AFF3: variants seen among roughly 807,000 people sequenced by gnomAD.
AFF3 encodes ALF transcription elongation factor 3, also known as AF4/FMR2 family member 3.
In AFF3, 32 loss-of-function variants were observed where a neutral mutation model predicts 129.7. The ratio of observed to expected loss-of-function variants is 0.25; its 90% CI spans 0.19 to 0.33. The LOEUF (loss-of-function observed/expected upper bound fraction) is 0.33, where lower values mean the gene tolerates loss of function less well. AFF3 is among the 10% of genes least tolerant of loss of function. The probability of loss-of-function intolerance (pLI) is 1.00; values close to 1 mark genes in which losing one functional copy is unlikely to be tolerated. For missense variants in AFF3, 1,373 were observed against 1,592.0 expected (o/e 0.86, Z 2.34); for synonymous variants, 644 against 635.4 (o/e 1.01, Z -0.20).
intron 4 of AFF3, among the ~76,000 whole-genome samples, chr2:100,060,169 T>C (rs1687149456): frequency 1.3e-5 from 2 of 152,202 alleles, no homozygotes; most frequent in South Asian, 2.1e-4. Flanking sequence ...CTCTGTGTTA[T>C]CCACAAACTT....
At chr2:99,625,293 T>G (rs780059356) in intron 13 of AFF3, among the ~76,000 whole-genome samples, 1 of 152,140 alleles carries the variant, frequency 6.6e-6, no homozygotes, top group Non-Finnish European at 1.5e-5. Flanking sequence ...CCCCGTGAAA[T>G]TTGAATTTCA....
intron 7 of AFF3, among the ~76,000 whole-genome samples, chr2:99,909,135 C>T (rs1441559238): frequency 6.6e-6 from 1 of 152,046 alleles, no homozygotes; most frequent in South Asian, 2.1e-4. Flanking sequence ...GGCACATATA[C>T]ACCATGAAAT....
chr2:99,590,739 T>C (rs1678584461), intron 15 of AFF3, among the ~76,000 whole-genome samples: 1 of 152,134 alleles, frequency 6.6e-6, no homozygotes, highest in African/African-American at 2.4e-5. Flanking sequence ...ATGCCTGTAA[T>C]CCCAGCACTT....
intron 1 of AFF3, among the ~76,000 whole-genome samples, chr2:100,134,527 T>C (rs895414297): frequency 3.9e-5 from 6 of 152,220 alleles, no homozygotes; most frequent in Non-Finnish European, 7.3e-5. Flanking sequence ...TTTATTTTCA[T>C]TTATACTTTA....
intron 12 of AFF3, among the ~76,000 whole-genome samples, chr2:99,651,045 T>C (rs1197409016): frequency 6.6e-6 from 1 of 151,634 alleles, no homozygotes; most frequent in Non-Finnish European, 1.5e-5. Flanking sequence ...TGGTGGCACA[T>C]GTCTGTAATT....
chr2:100,141,005 A>G (rs992651070), intron 1 of AFF3, among the ~76,000 whole-genome samples: 10 of 152,194 alleles, frequency 6.6e-5, no homozygotes, highest in African/African-American at 2.2e-4. Context: ...GATGATGACA[A>G]TGATAACAGC....
intron 13 of AFF3, among the ~76,000 whole-genome samples, chr2:99,643,145 C>A (rs1322744902): frequency 6.7e-6 from 1 of 149,168 alleles, no homozygotes; most frequent in African/African-American, 2.5e-5. Context: ...CTGCAACCCC[C>A]GCCTCCTGGG....
At chr2:99,946,577 T>G (rs1675597072) in intron 7 of AFF3, among the ~76,000 whole-genome samples, 1 of 149,766 alleles carries the variant, frequency 6.7e-6, no homozygotes, top group South Asian at 2.1e-4. Context: ...GTCTGCAGAA[T>G]TTCCCCATAC....
At chr2:99,671,937 C>T (rs2104451848) in intron 12 of AFF3, among the ~76,000 whole-genome samples, 1 of 152,220 alleles carries the variant, frequency 6.6e-6, no homozygotes, top group African/African-American at 2.4e-5. Flanking sequence ...TAACTGATGT[C>T]TCGAGCTGAT....
intron 7 of AFF3, among the ~76,000 whole-genome samples, chr2:99,991,827 T>TGGGAGGTGGAGGTTGCA (rs1680367623): frequency 1.3e-5 from 2 of 151,486 alleles, no homozygotes; most frequent in South Asian, 2.1e-4. Context: ...TGCTTGAACC[T>TGGGAGGTGGAGGTTGCA]GGGAGGTGGA....
chr2:100,142,186 T>C (rs915293053), intron 1 of AFF3, among the ~76,000 whole-genome samples: 1 of 151,984 alleles, frequency 6.6e-6, no homozygotes, highest in African/African-American at 2.4e-5. Context: ...ACTCAGGTTA[T>C]GTCTTCTTTA....
At chr2:100,009,689 T>A (rs184389059) in intron 4 of AFF3, among the ~76,000 whole-genome samples, 1 of 152,194 alleles carries the variant, frequency 6.6e-6, no homozygotes, top group East Asian at 1.9e-4. Context: ...ACCAGACAAC[T>A]GGAAGAAATG....
In AFF3 at chr2:99,601,499, G is replaced by C; in HGVS notation, c.1307C>G (p.Ser436Trp). The stretch of plus-strand genomic sequence containing the variant: ...CTCGCTGGAGCTGCTCTCGGTCTCC[G>C]AGTCAGATCCGGAGCTGCTCTCTGA... ...SDSESSSGSD[S>W]ETESSSSESE... is the part of the protein sequence containing the mutation. Residue 436 changes from serine (S) to tryptophan (W), a missense_variant, in exon 14 of 25, where the codon TCG (serine) becomes TGG (tryptophan). Ser to Trp is a radical substitution (Grantham distance 177). Transcript: ENST00000672756. 1.2e-6 allele frequency: 2 copies of C among 1,608,444 alleles called. No individual in the cohort carries two copies. The highest frequency in any genetic ancestry group is 1.7e-6 in the Non-Finnish European group (2 of 1,177,946).
chr2:99,570,137 C>T (rs1676343954), intron 18 of AFF3, among the ~76,000 whole-genome samples: 1 of 152,164 alleles, frequency 6.6e-6, no homozygotes, highest in Admixed American at 6.5e-5. Context: ...AGGGTGAGGC[C>T]TGAGGTCTCC....
At chr2:100,140,508 C>T (rs935303243) in intron 1 of AFF3, among the ~76,000 whole-genome samples, 2 of 152,172 alleles carry the variant, frequency 1.3e-5, no homozygotes, top group East Asian at 3.8e-4. Context: ...CCCAACGCTG[C>T]TATTTCCCTG....
intron 2 of AFF3, chr2:100,107,633 C>T: frequency 4.2e-6 from 2 of 473,278 alleles, no homozygotes; most frequent in Non-Finnish European, 5.5e-6. Context: ...AAGGGGAGGG[C>T]TGCTGGGGGA....
intron 7 of AFF3, among the ~76,000 whole-genome samples, chr2:99,847,242 C>CT (rs2105848125): frequency 6.6e-6 from 1 of 152,010 alleles, no homozygotes; most frequent in South Asian, 2.1e-4. Flanking sequence ...ATGGCGCTAT[C>CT]TTGGCTCACT....
At chr2:100,066,388 T>C (rs1462360736) in intron 4 of AFF3, among the ~76,000 whole-genome samples, 3 of 152,180 alleles carry the variant, frequency 2.0e-5, no homozygotes, top group African/African-American at 7.2e-5. Flanking sequence ...CAGTGACGAA[T>C]GAAGACACAG....
chr2:99,781,519 G>C (rs559279151), intron 8 of AFF3, among the ~76,000 whole-genome samples: 1 of 152,130 alleles, frequency 6.6e-6, no homozygotes, highest in South Asian at 2.1e-4. Flanking sequence ...TATTTTAAAC[G>C]ATGTTTTACT....
Sources: allele counts gnomAD v4.1 joint callset (sites outside exome capture counted in the v4.1 genomes callset), GRCh38; gene constraint gnomAD v4.1.1; transcripts MANE v1.5; gene names NCBI Gene and HGNC (gene_info 2026-07-23, HGNC 2026-07-21).